The following CCSER1 variants were observed in gnomAD, a reference collection of about 807,000 sequenced individuals.
CCSER1 encodes serine-rich coiled-coil domain-containing protein 1.
Under a neutral mutation model 82.0 loss-of-function variants are expected in CCSER1, and 41 were observed. The ratio of observed to expected loss-of-function variants is 0.50; its 90% CI spans 0.39 to 0.65. The LOEUF (loss-of-function observed/expected upper bound fraction) is 0.65. Among genes scored for constraint, CCSER1 ranks in the 30% least tolerant of loss-of-function variants. The probability of loss-of-function intolerance (pLI) is 0.00; values close to 1 mark genes in which losing one functional copy is unlikely to be tolerated. For missense variants in CCSER1, 1,119 were observed against 1,064.2 expected (o/e 1.05, Z -0.72); for synonymous variants, 414 against 383.9 (o/e 1.08, Z -0.92).
intron 5 of CCSER1, among the ~76,000 whole-genome samples, chr4:90,611,059 CTTTT>C (rs201354908): frequency 1.5e-4 from 14 of 93,824 alleles, no homozygotes; most frequent in Admixed American, 9.4e-4. Context: ...CTTTTCTTTT[CTTTT>C]TTTTTTTTTT....
At chr4:90,525,638 A>G (rs982573834) in intron 5 of CCSER1, among the ~76,000 whole-genome samples, 3 of 151,834 alleles carry the variant, frequency 2.0e-5, no homozygotes, top group African/African-American at 7.3e-5. Context: ...TATTATTTTC[A>G]GACTTTTTTT....
intron 10 of CCSER1, among the ~76,000 whole-genome samples, chr4:91,505,881 C>G (rs1370552479): frequency 6.6e-6 from 1 of 152,124 alleles, no homozygotes; most frequent in East Asian, 1.9e-4. Context: ...TTCTCCCATT[C>G]TGTGGGTTGT....
intron 6 of CCSER1, among the ~76,000 whole-genome samples, chr4:90,636,911 A>G (rs1400739054): frequency 2.6e-5 from 4 of 152,224 alleles, no homozygotes; most frequent in Non-Finnish European, 5.9e-5. Flanking sequence ...ATGTTTGTTT[A>G]TACAGATAAC....
chr4:90,171,102 T>G (rs950311109), intron 1 of CCSER1, among the ~76,000 whole-genome samples: 2 of 151,672 alleles, frequency 1.3e-5, no homozygotes, highest in Non-Finnish European at 2.9e-5. Context: ...AGATCTCATG[T>G]ACCCCATAAA....
chr4:90,417,094 T>G (rs967032277), intron 4 of CCSER1, among the ~76,000 whole-genome samples: 40 of 152,278 alleles, frequency 2.6e-4, no homozygotes, highest in Non-Finnish European at 1.8e-4. Flanking sequence ...AAATACCTAA[T>G]GCATTCAGGG....
rs1737369594 is a variant in CCSER1, at chr4:91,217,740, A to T, written c.2217+131746A>T. On this transcript the variant is annotated intron_variant, in intron 10 of 10. Transcript: ENST00000509176. The stretch of plus-strand genomic sequence containing the variant: ...TGTATTTACAATCCCTGAGCTAGAC[A>T]TAAAGGTTCTCCACATCCTCACCAG... Among the ~76,000 whole-genome samples the T allele has an allele frequency of 2.0e-5, 3 of 152,108 alleles. 1 individual carries two copies. The South Asian group carries it at 6.2e-4, about 32-fold the overall frequency.
At chr4:91,053,187 CT>C (rs1205236781) in intron 9 of CCSER1, among the ~76,000 whole-genome samples, 3 of 152,148 alleles carry the variant, frequency 2.0e-5, no homozygotes, top group Non-Finnish European at 4.4e-5. Flanking sequence ...GTAAATTTCA[CT>C]AAGACTTATG....
intron 10 of CCSER1, among the ~76,000 whole-genome samples, chr4:91,313,912 A>G (rs1745656953): frequency 6.6e-6 from 1 of 151,948 alleles, no homozygotes; most frequent in African/African-American, 2.4e-5. Context: ...GTGTTAAACT[A>G]CTAAGTTTAA....
chr4:91,477,172 A>G (rs1362180494), intron 10 of CCSER1, among the ~76,000 whole-genome samples: 3 of 151,866 alleles, frequency 2.0e-5, no homozygotes, highest in Non-Finnish European at 4.4e-5. Context: ...TATTCACTCT[A>G]CAAAGGATTA....
chr4:90,350,422 A>G (rs534036856), intron 3 of CCSER1, among the ~76,000 whole-genome samples: 2 of 152,246 alleles, frequency 1.3e-5, no homozygotes, highest in Admixed American at 6.5e-5. Flanking sequence ...TTTTGAAGGT[A>G]TATGCTAAAG....
At chr4:91,051,508 C>A (rs974926951) in intron 9 of CCSER1, among the ~76,000 whole-genome samples, 5 of 152,088 alleles carry the variant, frequency 3.3e-5, no homozygotes, top group Admixed American at 6.5e-5. Flanking sequence ...CTTTGACTTT[C>A]AAACTGTTCC....
At chr4:90,519,080 T>C (rs1772706268) in intron 5 of CCSER1, among the ~76,000 whole-genome samples, 1 of 151,888 alleles carries the variant, frequency 6.6e-6, no homozygotes, top group Non-Finnish European at 1.5e-5. Context: ...TTTTTATATA[T>C]TCATTTGTAA....
At chr4:91,204,243 G>A (rs1430593543) in intron 10 of CCSER1, among the ~76,000 whole-genome samples, 1 of 151,848 alleles carries the variant, frequency 6.6e-6, no homozygotes. Flanking sequence ...ATAGAAGGCT[G>A]TACAGGGCAC....
intron 5 of CCSER1, among the ~76,000 whole-genome samples, chr4:90,542,857 A>T (rs1331291214): frequency 6.6e-6 from 1 of 152,102 alleles, no homozygotes; most frequent in Non-Finnish European, 1.5e-5. Context: ...CTCTGATCAT[A>T]GCTCTTTTTC....
rs182686505 is a variant in CCSER1, at chr4:91,069,037, G to A, written c.2173-16913G>A. Among the ~76,000 whole-genome samples the A allele has an allele frequency of 1.1e-4, 16 of 152,108 alleles. No homozygotes were observed. In the East Asian group the frequency reaches 1.7e-3, roughly 17 times the overall value. The stretch of plus-strand genomic sequence containing the variant: ...AAAAATACAAAAATTAGCTGGGTGC[G>A]GTGGCATGCACCTGTAACCCCAGCT... On this transcript the variant is annotated intron_variant, in intron 9 of 10. Transcript: ENST00000509176.
Position 91,096,241 on chromosome 4 carries a change from T to C in CCSER1, c.2217+10247T>C, listed in dbSNP as rs1312773463. 6.6e-5 allele frequency among the ~76,000 whole-genome samples: 10 copies of C among 152,278 alleles called. 1 individual carries two copies. In the East Asian group the frequency reaches 1.9e-3, roughly 29 times the overall value. On this transcript the variant is annotated intron_variant, in intron 10 of 10. Transcript: ENST00000509176. ...CCAAGGGAGGAGTTTCTCCTGCAGCTTCTCTTCCTTTCTTGTCTACTCTGT... is the reference window on the plus strand; with the variant it reads ...CCAAGGGAGGAGTTTCTCCTGCAGCCTCTCTTCCTTTCTTGTCTACTCTGT...
At chr4:91,180,895 C>T (rs1733956220) in intron 10 of CCSER1, among the ~76,000 whole-genome samples, 1 of 151,882 alleles carries the variant, frequency 6.6e-6, no homozygotes, top group African/African-American at 2.4e-5. Flanking sequence ...CTGAAAGTAT[C>T]CCTTAAGGGA....
chr4:91,037,252 A>G (rs1380580879), intron 9 of CCSER1, among the ~76,000 whole-genome samples: 1 of 134,942 alleles, frequency 7.4e-6, no homozygotes, highest in African/African-American at 2.7e-5. Flanking sequence ...ACACACACAC[A>G]CACACATACA....
intron 4 of CCSER1, among the ~76,000 whole-genome samples, chr4:90,426,083 C>T (rs17016994): frequency 0.14 from 21,266 of 151,974 alleles, 2,298 homozygotes; most frequent in East Asian, 0.37. Context: ...TGGAACTCTT[C>T]GTGGAAAGTG....
Sources: allele counts gnomAD v4.1 joint callset (sites outside exome capture counted in the v4.1 genomes callset), GRCh38; gene constraint gnomAD v4.1.1; transcripts MANE v1.5; gene names NCBI Gene and HGNC (gene_info 2026-07-23, HGNC 2026-07-21).